SLC24A1: variants seen among roughly 807,000 people sequenced by gnomAD.
SLC24A1 encodes the protein sodium/potassium/calcium exchanger 1.
A neutral mutation model predicts 88.1 loss-of-function variants in SLC24A1; 52 were observed. The observed-to-expected ratio is 0.59, with a 90% CI of 0.47 to 0.74. The LOEUF is 0.74. SLC24A1 is among the 30% of genes least tolerant of loss of function. The pLI, the probability that SLC24A1 is intolerant of heterozygous loss-of-function variation, is 0.00. For missense variants in SLC24A1, 1,173 were observed against 1,363.3 expected, an observed-to-expected ratio of 0.86 and a Z score of 2.20; for synonymous variants, 455 against 498.0, an observed-to-expected ratio of 0.91 and a Z score of 1.15.
chr15:65,639,489 C>A, intron 3 of SLC24A1, 106 bp from the exon 4 acceptor site: 2 of 693,868 alleles, frequency 2.9e-6, no homozygotes, highest in Non-Finnish European at 5.2e-6. Context: ...GGCATCTGTG[C>A]TTTCTCCCTG....
intron 2 of SLC24A1, among the ~76,000 whole-genome samples, chr15:65,614,766 C>T (rs944027150): frequency 1.3e-5 from 2 of 152,146 alleles, no homozygotes; most frequent in African/African-American, 4.8e-5. Context: ...CCCCCAGGGT[C>T]TGGCATGTGA....
Position 65,625,111 on chromosome 15 carries a change from G to A in SLC24A1, c.1031G>A (p.Ser344Asn). ...ACCAAAGCCTTCACTGCTGCCTGGA[G>A]TCTTAGGAATCCTTCACCCAGGACC... ...AETKAFTAAW[S>N]LRNPSPRTSV... The change falls in exon 2 of 10, where the codon AGT becomes AAT. Residue 344 changes from serine to asparagine, a missense_variant. Ser to Asn is a conservative substitution (Grantham distance 46). Coordinates refer to ENST00000261892, the MANE Select transcript of SLC24A1 (RefSeq NM_004727.3). The A allele has an allele frequency of 1.2e-6, 2 of 1,613,610 alleles. No homozygotes were observed. Among genetic ancestry groups the A allele is most frequent in the Middle Eastern group, 1.6e-4 (1 of 6,062 alleles).
chr15:65,635,658 G>A (rs2074908996), intron 2 of SLC24A1, among the ~76,000 whole-genome samples: 1 of 152,010 alleles, frequency 6.6e-6, no homozygotes, highest in African/African-American at 2.4e-5. Flanking sequence ...TTTATACTCT[G>A]TTTCATTCAT....
intron 2 of SLC24A1, among the ~76,000 whole-genome samples, chr15:65,635,354 C>G (rs1212349048): frequency 6.9e-6 from 1 of 145,214 alleles, no homozygotes; most frequent in Non-Finnish European, 1.5e-5. Flanking sequence ...GTGGTGCACA[C>G]CTGTAGTCCC....
chr15:65,654,402 C>T lies in SLC24A1; in HGVS notation c.*323C>T, dbSNP rs561805932. The T allele has an allele frequency of 2.0e-5, 24 of 1,173,892 alleles. No homozygotes were observed. The African/African-American group carries it at 2.1e-4, about 10-fold the overall frequency. 72.7% of individuals were successfully genotyped at this position (1,173,892 alleles called of 1,614,324 possible). On this transcript the variant is annotated 3_prime_UTR_variant, in exon 10 of 10. Transcript: ENST00000261892. Reference sequence around the variant, plus strand: ...AACTGGGGGCAAAGGTTGGGATAGGCGCAGCAGCTATAAGACAAGCTCCTA... The same window carrying T: ...AACTGGGGGCAAAGGTTGGGATAGGTGCAGCAGCTATAAGACAAGCTCCTA...
At chr15:65,611,387 C>G, upstream of SLC24A1, 1 of 596,486 alleles carries the variant, frequency 1.7e-6, no homozygotes, top group Non-Finnish European at 3.0e-6. Flanking sequence ...GGCTGGGTTT[C>G]CTGCCGTGTC....
chr15:65,629,113 T>C (rs2074617505), intron 2 of SLC24A1, among the ~76,000 whole-genome samples: 3 of 152,206 alleles, frequency 2.0e-5, no homozygotes, highest in Admixed American at 2.0e-4. Flanking sequence ...AAGAGCAACA[T>C]ACTTGCAGGT....
At chr15:65,618,623 C>T (rs551493536), upstream of SLC24A1, among the ~76,000 whole-genome samples, 17 of 152,330 alleles carry the variant, frequency 1.1e-4, no homozygotes, top group East Asian at 3.3e-3. Context: ...ACCCGATTTA[C>T]ACATCTTCAC....
In SLC24A1 at chr15:65,655,067, A is replaced by G. The variant is rs2075635471; in HGVS notation, c.*988A>G. ...ACTACTCTAGAGGCCATTTAAAAGT[A>G]TGTATTTATTAGAACATGCAAATTC... is the stretch of plus-strand genomic sequence containing the variant. On this transcript the variant is annotated 3_prime_UTR_variant, in exon 10 of 10. Coordinates refer to ENST00000261892, the MANE Select transcript of SLC24A1 (RefSeq NM_004727.3). 1 of 1,024,540 alleles carries G rather than the reference A, an allele frequency of 9.8e-7. No homozygotes were observed. Among genetic ancestry groups the G allele is most frequent in the African/African-American group, 1.7e-5 (1 of 57,480 alleles). 63.5% of individuals were successfully genotyped at this position (1,024,540 alleles called of 1,614,324 possible).
chr15:65,613,075 G>A (rs908548671), intron 2 of SLC24A1, among the ~76,000 whole-genome samples: 2 of 152,196 alleles, frequency 1.3e-5, no homozygotes, highest in African/African-American at 4.8e-5. Flanking sequence ...TTTAAAGGGG[G>A]TGTCTTTCAA....
chr15:65,648,168 G>C (rs574842726), intron 6 of SLC24A1, among the ~76,000 whole-genome samples: 162 of 152,272 alleles, frequency 1.1e-3, no homozygotes, highest in Middle Eastern at 0.01. Context: ...GCTGAGGTGA[G>C]AGAATGGCGT....
chr15:65,628,669 A>T (rs1205723623), intron 2 of SLC24A1, among the ~76,000 whole-genome samples: 2 of 152,226 alleles, frequency 1.3e-5, no homozygotes, highest in East Asian at 3.8e-4. Flanking sequence ...GATCCTTACC[A>T]TTGATCATGA....
downstream of SLC24A1, among the ~76,000 whole-genome samples, chr15:65,657,217 T>C (rs1447631758): frequency 6.6e-6 from 1 of 152,172 alleles, no homozygotes; most frequent in Non-Finnish European, 1.5e-5. Context: ...CTGTCATCAA[T>C]AGATTCGAAA....
intron 7 of SLC24A1, among the ~76,000 whole-genome samples, chr15:65,651,180 C>T (rs968655507): frequency 1.3e-5 from 2 of 152,158 alleles, no homozygotes; most frequent in Non-Finnish European, 2.9e-5. Context: ...CTGCTATAAG[C>T]AGCATACACT....
chr15:65,644,321 C>A, intron 4 of SLC24A1, 106 bp from the exon 5 acceptor site: 1 of 791,382 alleles, frequency 1.3e-6, no homozygotes, highest in Non-Finnish European at 2.2e-6. Context: ...TTTTCCCACA[C>A]TCTGCAGCTG....
At position 65,654,580 on chromosome 15, in the gene SLC24A1, A is replaced by G. The variant is rs776842127; in HGVS notation, c.*501A>G. The G allele has an allele frequency of 1.1e-4, 133 of 1,199,084 alleles. No homozygotes were observed. Among genetic ancestry groups the G allele is most frequent in the Admixed American group, 1.1e-3 (31 of 28,496 alleles). The allele number at this position is 1,199,084 out of a possible 1,614,324, so 74.3% of individuals were successfully genotyped here. On this transcript the variant is annotated 3_prime_UTR_variant, in exon 10 of 10. Transcript: ENST00000261892. Reference sequence around the variant, plus strand: ...ATTGTGAGGTTCTATCAGGTTTGTAATCACTGTAGCTTCAGTTATTGGTGA... The same window carrying G: ...ATTGTGAGGTTCTATCAGGTTTGTAGTCACTGTAGCTTCAGTTATTGGTGA...
chr15:65,627,085 C>G (rs553484922), intron 2 of SLC24A1, among the ~76,000 whole-genome samples: 1 of 152,154 alleles, frequency 6.6e-6, no homozygotes, highest in African/African-American at 2.4e-5. Context: ...AACTCAGCAA[C>G]GTGTCTGTGA....
At chr15:65,659,424 C>T (rs986836194), downstream of SLC24A1, 1 of 147,812 alleles carries the variant, frequency 6.8e-6, no homozygotes, top group African/African-American at 2.5e-5. Context: ...GCCCCAAACC[C>T]CCAGGCTCAA....
chr15:65,624,241 TCTCTTCTC>T lies in SLC24A1; in HGVS notation c.162_169del (p.Ser56AlafsTer12), dbSNP rs2141456737. 1 of 1,613,784 alleles carries T rather than the reference TCTCTTCTC, an allele frequency of 6.2e-7. No individual in the cohort carries two copies. The highest frequency in any genetic ancestry group is 8.5e-7 in the Non-Finnish European group (1 of 1,179,838). On this transcript the variant is annotated frameshift_variant, in exon 2 of 10. Coordinates refer to ENST00000261892, the MANE Select transcript of SLC24A1 (RefSeq NM_004727.3). LOFTEE classifies it high-confidence loss of function. The stretch of plus-strand genomic sequence containing the variant: ...GGCCTTTCCTCATTGTGGGCAGCAG[TCTCTTCTC>T]ATCAGCCTATAAAACTGGCCAGTCG...
Sources: gnomAD v4.1 joint callset for allele counts (sites outside exome capture counted in the v4.1 genomes callset) on GRCh38, gnomAD v4.1.1 for gene constraint, MANE v1.5 for transcripts, NCBI Gene and HGNC (gene_info 2026-07-23, HGNC 2026-07-21) for gene names.